Variants in PRKD1 observed in about 807,000 individuals in gnomAD.
PRKD1 encodes serine/threonine-protein kinase D1.
In PRKD1, 63 loss-of-function variants were observed where a neutral mutation model predicts 95.9. That is an observed-to-expected ratio of 0.66 (90% CI 0.54 to 0.81). The LOEUF is 0.81. PRKD1 is among the 30% of genes least tolerant of loss of function. The pLI is 0.00. For synonymous variants in PRKD1, 425 were observed against 423.1 expected (o/e 1.00, Z -0.05); for missense variants, 1,048 against 1,165.3 (o/e 0.90, Z 1.47).
chr14:29,783,281 T>G (rs931466769), intron 1 of PRKD1, among the ~76,000 whole-genome samples: 3 of 152,324 alleles, frequency 2.0e-5, no homozygotes, highest in African/African-American at 4.8e-5. Context: ...CTTATTTCAC[T>G]TAACATAATG....
chr14:29,602,432 T>A (rs1301955007), intron 13 of PRKD1, among the ~76,000 whole-genome samples: 1 of 151,452 alleles, frequency 6.6e-6, no homozygotes, highest in African/African-American at 2.4e-5. Context: ...TTCCTCTTTT[T>A]TTTTTTTTTT....
At chr14:29,634,602 T>C in intron 7 of PRKD1, 61 bp from the exon 8 acceptor site, 1 of 1,597,076 alleles carries the variant, frequency 6.3e-7, no homozygotes. Flanking sequence ...TGTATTTTCA[T>C]GCATAAAACC....
chr14:29,795,613 T>G (rs1466031981), intron 1 of PRKD1, among the ~76,000 whole-genome samples: 1 of 152,100 alleles, frequency 6.6e-6, no homozygotes, highest in Non-Finnish European at 1.5e-5. Context: ...TGCTTTCAAA[T>G]CAGAGTTCTT....
intron 4 of PRKD1, among the ~76,000 whole-genome samples, chr14:29,650,789 C>G (rs150699352): frequency 3.3e-5 from 5 of 152,134 alleles, no homozygotes; most frequent in African/African-American, 4.8e-5. Context: ...CTGTAACTTA[C>G]GCTTATCTAT....
intron 13 of PRKD1, among the ~76,000 whole-genome samples, chr14:29,615,574 C>T (rs1011416315): frequency 2.0e-5 from 3 of 152,198 alleles, no homozygotes; most frequent in African/African-American, 7.2e-5. Flanking sequence ...GGCTTCTCTT[C>T]GAAGCTCTCC....
intron 2 of PRKD1, among the ~76,000 whole-genome samples, chr14:29,693,172 G>T (rs1884331203): frequency 6.6e-6 from 1 of 151,990 alleles, no homozygotes; most frequent in South Asian, 2.1e-4. Context: ...CTTACTAACT[G>T]GTTAAATTCT....
chr14:29,859,238 G>A (rs1161714243), intron 1 of PRKD1, among the ~76,000 whole-genome samples: 6 of 152,222 alleles, frequency 3.9e-5, no homozygotes, highest in Non-Finnish European at 5.9e-5. Flanking sequence ...TTGGGAGGCC[G>A]AGGCGGGTGG....
chr14:29,863,215 A>G (rs1457996002), intron 1 of PRKD1, among the ~76,000 whole-genome samples: 1 of 152,162 alleles, frequency 6.6e-6, no homozygotes, highest in Admixed American at 6.5e-5. Flanking sequence ...CATTACAGAC[A>G]TTTAGGTAGG....
chr14:29,825,077 AT>A (rs1280042182), intron 1 of PRKD1, among the ~76,000 whole-genome samples: 2 of 152,078 alleles, frequency 1.3e-5, no homozygotes, highest in Admixed American at 6.6e-5. Context: ...TTCCAAAGAG[AT>A]GTAAGACTTT....
At chr14:29,838,057 C>A (rs1357797268) in intron 1 of PRKD1, among the ~76,000 whole-genome samples, 1 of 152,098 alleles carries the variant, frequency 6.6e-6, no homozygotes, top group Non-Finnish European at 1.5e-5. Context: ...AAAACTCCCC[C>A]TGTTTGCATT....
intron 1 of PRKD1, among the ~76,000 whole-genome samples, chr14:29,821,022 A>C (rs2139269353): frequency 6.6e-6 from 1 of 152,338 alleles, no homozygotes; most frequent in East Asian, 1.9e-4. Flanking sequence ...AAATGGGAAA[A>C]GATGAAGTCA....
intron 16 of PRKD1, among the ~76,000 whole-genome samples, chr14:29,594,430 AC>A (rs1471458100): frequency 1.3e-5 from 2 of 151,998 alleles, no homozygotes; most frequent in Non-Finnish European, 2.9e-5. Context: ...TTCTTGGCTC[AC>A]CCCACGCCTG....
intron 4 of PRKD1, among the ~76,000 whole-genome samples, chr14:29,663,267 T>A (rs948709331): frequency 6.6e-6 from 1 of 151,434 alleles, no homozygotes; most frequent in African/African-American, 2.4e-5. Context: ...TATGCCAGTA[T>A]GCCAAGCAAT....
intron 16 of PRKD1, chr14:29,592,718 G>A (rs1893175275): frequency 6.6e-6 from 1 of 152,054 alleles, no homozygotes; most frequent in South Asian, 2.1e-4. Flanking sequence ...AGTAAGGTAG[G>A]AATTAGCATC....
intron 1 of PRKD1, among the ~76,000 whole-genome samples, chr14:29,926,910 G>A (rs542974514): frequency 6.6e-6 from 1 of 152,122 alleles, no homozygotes; most frequent in African/African-American, 2.4e-5. Context: ...GAGAGGGGAA[G>A]AAAACTGGGA....
At chr14:29,599,486 T>C (rs1315594883) in intron 14 of PRKD1, among the ~76,000 whole-genome samples, 170 bp downstream of exon 14, 9 of 152,214 alleles carry the variant, frequency 5.9e-5, no homozygotes. Flanking sequence ...CTGTGGACTC[T>C]GATTAATATA....
At chr14:29,584,730 T>C (rs1892856996) in intron 16 of PRKD1, among the ~76,000 whole-genome samples, 1 of 152,206 alleles carries the variant, frequency 6.6e-6, no homozygotes, top group Non-Finnish European at 1.5e-5. Context: ...TGGCTAAAAA[T>C]ATTTCTGGAT....
intron 4 of PRKD1, among the ~76,000 whole-genome samples, chr14:29,648,994 T>C (rs1881321052): frequency 6.6e-6 from 1 of 151,558 alleles, no homozygotes; most frequent in Non-Finnish European, 1.5e-5. Flanking sequence ...ACCTTTGAGA[T>C]TTTTTTTATA....
intron 13 of PRKD1, among the ~76,000 whole-genome samples, chr14:29,602,012 A>T (rs4981710): frequency 2.6e-5 from 4 of 152,094 alleles, no homozygotes; most frequent in Non-Finnish European, 4.4e-5. Context: ...TTCCTCTTTG[A>T]GCATCTTCAT....
Sources: allele counts gnomAD v4.1 joint callset (sites outside exome capture counted in the v4.1 genomes callset), GRCh38; gene constraint gnomAD v4.1.1; transcripts MANE v1.5; gene names NCBI Gene and HGNC (gene_info 2026-07-23, HGNC 2026-07-21).